Variants in CCAR1 observed in about 807,000 individuals in gnomAD.
CCAR1 encodes the protein cell division cycle and apoptosis regulator protein 1.
In CCAR1, 78 loss-of-function variants were observed where a neutral mutation model predicts 163.8. That is an observed-to-expected ratio of 0.48 (90% CI 0.40 to 0.57). The LOEUF is 0.57. CCAR1 is among the 20% of genes least tolerant of loss of function. The probability of loss-of-function intolerance (pLI) is 0.00; values close to 1 mark genes in which losing one functional copy is unlikely to be tolerated. For synonymous variants in CCAR1, 443 were observed against 460.7 expected (o/e 0.96, Z 0.49); for missense variants, 1,019 against 1,365.2 (o/e 0.75, Z 4.00).
intron 5 of CCAR1, 54 bp from the exon 6 acceptor site, chr10:68,742,322 T>G (rs2056193497): frequency 7.0e-7 from 1 of 1,438,076 alleles, no homozygotes; most frequent in East Asian, 2.3e-5. Context: ...TCATATTCAG[T>G]TTTTAGATGA....
intron 21 of CCAR1, 69 bp downstream of exon 21, chr10:68,786,761 T>A (rs1367478271): frequency 7.4e-7 from 1 of 1,343,930 alleles, no homozygotes; most frequent in Non-Finnish European, 1.0e-6. Flanking sequence ...GAAAAGTTAA[T>A]AGAACCTCTG....
chr10:68,743,685 G>A (rs1241774232), intron 6 of CCAR1, among the ~76,000 whole-genome samples: 1 of 151,840 alleles, frequency 6.6e-6, no homozygotes, highest in Non-Finnish European at 1.5e-5. Flanking sequence ...AGGGACAACA[G>A]ACGTGTGCCA....
chr10:68,754,866 C>G (rs1554820823), intron 12 of CCAR1, 39 bp downstream of exon 12: 1 of 1,077,320 alleles, frequency 9.3e-7, no homozygotes, highest in Non-Finnish European at 1.4e-6. Flanking sequence ...GATGTATTCA[C>G]TTTGCTTAGC....
Position 68,789,711 on chromosome 10 carries a change from T to C in CCAR1, c.3189T>C (p.Asp1063=). ...TAATTTTTGGATTTTTTTAAACAGA[T>C]GAAGATGAAAAAACCATATTAAATT... The part of the protein sequence containing the change: ...QKLQLLEEKT[D]EDEKTILNLE... Residue 1063 remains aspartate, a splice_region_variant and synonymous_variant, in exon 24 of 25, where the codon GAT becomes GAC. Transcript: ENST00000265872. The C allele has an allele frequency of 1.9e-6, 3 of 1,549,716 alleles. No individual in the cohort carries two copies. Among genetic ancestry groups the C allele is most frequent in the Non-Finnish European group, 8.7e-7 (1 of 1,150,732 alleles).
intron 4 of CCAR1, among the ~76,000 whole-genome samples, chr10:68,740,268 G>T (rs929569499): frequency 6.6e-6 from 1 of 152,178 alleles, no homozygotes; most frequent in East Asian, 1.9e-4. Flanking sequence ...AATAAAAGTA[G>T]TTAAGTGCCT....
intron 15 of CCAR1, 75 bp from the exon 16 acceptor site, chr10:68,760,932 C>G (rs1212231857): frequency 3.9e-6 from 2 of 510,130 alleles, no homozygotes; most frequent in East Asian, 7.7e-5. Flanking sequence ...TAGTTTGTTT[C>G]CTATTTCAAT....
chr10:68,790,262 C>T (rs912795133), intron 24 of CCAR1, among the ~76,000 whole-genome samples: 12 of 151,468 alleles, frequency 7.9e-5, no homozygotes, highest in Admixed American at 1.3e-4. Flanking sequence ...AAGGCTGAGA[C>T]GGGAATCACT....
At position 68,749,630 on chromosome 10, in the gene CCAR1, G is replaced by A. The variant is rs759852577; in HGVS notation, c.1063G>A (p.Val355Ile). 1 of 1,613,996 alleles carries A rather than the reference G, an allele frequency of 6.2e-7. No individual in the cohort carries two copies. The highest frequency in any genetic ancestry group is 8.5e-7 in the Non-Finnish European group (1 of 1,179,858). ...AGAGCGAGAGCGATCACCTCGGAGA[G>A]TTCGACGTGTTGTTCCACGTTACAC... ...RRERERSPRR[V>I]RRVVPRYTVQ... The change falls in exon 10 of 25, where the codon GTT becomes ATT. Residue 355 changes from valine (V) to isoleucine (I), a missense_variant. By Grantham distance (29) the Val-to-Ile change is conservative. This residue lies in a region of CCAR1 where 644 missense variants were observed against 904.4 expected (regional missense o/e 0.71). Transcript: ENST00000265872.
At chr10:68,765,200 A>T (rs1164511200) in intron 16 of CCAR1, among the ~76,000 whole-genome samples, 1 of 151,996 alleles carries the variant, frequency 6.6e-6, no homozygotes, top group Non-Finnish European at 1.5e-5. Flanking sequence ...TCTCCTCAGT[A>T]TAGGGCCCTG....
At chr10:68,722,104 C>G (rs2055868197) in intron 1 of CCAR1, among the ~76,000 whole-genome samples, 1 of 152,164 alleles carries the variant, frequency 6.6e-6, no homozygotes, top group African/African-American at 2.4e-5. Context: ...AACACGCAGG[C>G]TGTATTTCCT....
intron 19 of CCAR1, among the ~76,000 whole-genome samples, chr10:68,779,459 A>G (rs1409441838): frequency 6.6e-6 from 1 of 151,328 alleles, no homozygotes; most frequent in Non-Finnish European, 1.5e-5. Flanking sequence ...GGGTTTCACC[A>G]TGTTGGCCAG....
chr10:68,726,073 C>T (rs144115880), intron 2 of CCAR1, among the ~76,000 whole-genome samples: 183 of 150,004 alleles, frequency 1.2e-3, no homozygotes, highest in African/African-American at 4.2e-3. Context: ...GTGATAGTTC[C>T]GCCATATTCC....
Position 68,760,969 on chromosome 10 carries a change from CT to C in CCAR1, c.1921-28del, listed in dbSNP as rs78712089. Reference sequence around the variant, plus strand: ...TCCGCTGCCCCCCGCCCCCCGCCACCTTTTTTTTTTCCGTGTTTTTCTGCTC... The same window carrying C: ...TCCGCTGCCCCCCGCCCCCCGCCACCTTTTTTTTTCCGTGTTTTTCTGCTC... On this transcript the variant is annotated intron_variant, in intron 15 of 24. Coordinates refer to ENST00000265872, the MANE Select transcript of CCAR1 (RefSeq NM_018237.4). 1.4e-3 allele frequency: 1,492 copies of C among 1,064,620 alleles called. 1 individual carries two copies. The highest frequency in any genetic ancestry group is 2.4e-3 in the African/African-American group (145 of 59,804). 65.9% of individuals were successfully genotyped at this position (1,064,620 alleles called of 1,614,324 possible).
rs558161526 is a variant in CCAR1, at chr10:68,737,838, C to CT, written c.247-4dup. ...TTTCTTTGAAAAATTTTTTTTTAAT[C>CT]TTTCAGCAATATTCACAACCTCAGC... On this transcript the variant is annotated splice_polypyrimidine_tract_variant and splice_region_variant and intron_variant, in intron 3 of 24. Coordinates refer to ENST00000265872, the MANE Select transcript of CCAR1 (RefSeq NM_018237.4). 1.7e-4 allele frequency: 262 copies of CT among 1,568,726 alleles called. No individual in the cohort carries two copies. The African/African-American group carries it at 3.4e-3, about 20-fold the overall frequency.
At chr10:68,728,031 T>G (rs1332490000) in intron 2 of CCAR1, among the ~76,000 whole-genome samples, 1 of 152,154 alleles carries the variant, frequency 6.6e-6, no homozygotes, top group African/African-American at 2.4e-5. Context: ...GAGACACGGT[T>G]TCACCATGTT....
intron 19 of CCAR1, among the ~76,000 whole-genome samples, chr10:68,781,137 G>A (rs1032327062): frequency 4.7e-5 from 7 of 149,342 alleles, no homozygotes; most frequent in African/African-American, 7.4e-5. Context: ...GAGGCTGGGG[G>A]CATGAGAATT....
At chr10:68,755,586 G>A in intron 13 of CCAR1, 50 bp downstream of exon 13, 3 of 1,484,028 alleles carry the variant, frequency 2.0e-6, no homozygotes, top group Non-Finnish European at 2.8e-6. Context: ...GATAGTTTAT[G>A]TAGTTGTTCT....
At chr10:68,757,164 TA>T (rs2056405480) in intron 14 of CCAR1, 129 bp from the exon 15 acceptor site, 3 of 577,594 alleles carry the variant, frequency 5.2e-6, no homozygotes, top group Non-Finnish European at 9.0e-6. Flanking sequence ...CTTGCCTAAA[TA>T]ATAACTTTAG....
intron 16 of CCAR1, 90 bp from the exon 17 acceptor site, chr10:68,765,798 T>C (rs943512473): frequency 3.6e-6 from 3 of 840,716 alleles, no homozygotes; most frequent in Non-Finnish European, 5.5e-6. Context: ...CTTTTATTTA[T>C]GAGATATATA....
Sources: gnomAD v4.1 joint callset for allele counts (sites outside exome capture counted in the v4.1 genomes callset) on GRCh38, gnomAD v4.1.1 for gene constraint, gnomAD v4.1.1 regional missense constraint, MANE v1.5 for transcripts, NCBI Gene and HGNC (gene_info 2026-07-23, HGNC 2026-07-21) for gene names.